TMEM132B: variants seen among roughly 807,000 people sequenced by gnomAD.
TMEM132B encodes the protein transmembrane protein 132B.
A neutral mutation model predicts 90.8 loss-of-function variants in TMEM132B; 18 were observed. That is an observed-to-expected ratio of 0.20 (90% CI 0.14 to 0.29). The LOEUF (loss-of-function observed/expected upper bound fraction) is 0.29. Ranked by LOEUF, TMEM132B falls within the 10% of genes least tolerant of loss-of-function variation. TMEM132B has a pLI of 1.00. For synonymous variants in TMEM132B, 504 were observed against 523.3 expected (o/e 0.96, Z 0.50); for missense variants, 1,096 against 1,326.8 (o/e 0.83, Z 2.70).
intron 5 of TMEM132B, among the ~76,000 whole-genome samples, chr12:125,606,133 C>T (rs374064832): frequency 4.0e-5 from 6 of 151,808 alleles, no homozygotes; most frequent in South Asian, 4.2e-4. Flanking sequence ...GTTGGTGACC[C>T]GAGAGATATT....
intron 5 of TMEM132B, among the ~76,000 whole-genome samples, chr12:125,596,666 G>A (rs1885446168): frequency 6.6e-6 from 1 of 152,134 alleles, no homozygotes; most frequent in African/African-American, 2.4e-5. Flanking sequence ...TCAGCCCCAA[G>A]TGATTGCCGT....
intron 2 of TMEM132B, among the ~76,000 whole-genome samples, chr12:125,366,982 A>G (rs901920963): frequency 2.6e-5 from 4 of 152,020 alleles, no homozygotes; most frequent in African/African-American, 4.8e-5. Context: ...ACTTTTAGCT[A>G]TTGTAGTTTT....
rs961310976 is a variant in TMEM132B, at chr12:125,201,106, C to A, written c.67+14240C>A. Among the ~76,000 whole-genome samples, 17 of 152,278 alleles carry A rather than the reference C, an allele frequency of 1.1e-4. No individual in the cohort carries two copies. In the East Asian group the frequency reaches 3.1e-3, roughly 28 times the overall value. On this transcript the variant is annotated intron_variant, in intron 1 of 8. Coordinates refer to ENST00000682704, the MANE Select transcript of TMEM132B (RefSeq NM_001366854.1). ...TTTTCTCTCTCCACCCACCACCCCCCATGCCCAGCCCAGTTAAGTGTTTCT... is the reference window on the plus strand; with the variant it reads ...TTTTCTCTCTCCACCCACCACCCCCAATGCCCAGCCCAGTTAAGTGTTTCT...
chr12:125,535,787 C>G (rs979419838), intron 4 of TMEM132B, among the ~76,000 whole-genome samples: 1 of 152,172 alleles, frequency 6.6e-6, no homozygotes, highest in Non-Finnish European at 1.5e-5. Flanking sequence ...AAAATGTCCA[C>G]TTTGCACAGG....
chr12:125,202,549 G>GA (rs1361796617), intron 1 of TMEM132B, among the ~76,000 whole-genome samples: 1 of 152,230 alleles, frequency 6.6e-6, no homozygotes, highest in Non-Finnish European at 1.5e-5. Context: ...GTCCCTTGCT[G>GA]ACAGTTGGCC....
intron 2 of TMEM132B, among the ~76,000 whole-genome samples, chr12:125,353,527 T>C (rs571404406): frequency 6.6e-6 from 1 of 152,372 alleles, no homozygotes; most frequent in African/African-American, 2.4e-5. Context: ...AGACTTAGAA[T>C]GGTTCAGCCC....
chr12:125,225,292 C>T (rs1435782517), intron 1 of TMEM132B, among the ~76,000 whole-genome samples: 5 of 152,140 alleles, frequency 3.3e-5, no homozygotes, highest in Admixed American at 2.0e-4. Flanking sequence ...CAGGACCAGC[C>T]GCACCATTTG....
Position 125,195,911 on chromosome 12 carries a change from G to A in TMEM132B, c.67+9045G>A, listed in dbSNP as rs74983857. Among the ~76,000 whole-genome samples, 143 of 152,256 alleles carry A rather than the reference G, an allele frequency of 9.4e-4. 4 individuals carry two copies. The East Asian group carries it at 0.018, about 19-fold the overall frequency. On this transcript the variant is annotated intron_variant, in intron 1 of 8. Transcript: ENST00000682704. The stretch of plus-strand genomic sequence containing the variant: ...TGTTCCCTCACTCTTTGGGCTGAAC[G>A]AGTGAGAGAACAGCAGGAGGAAAGG...
intron 2 of TMEM132B, among the ~76,000 whole-genome samples, chr12:125,359,322 G>A (rs566284403): frequency 1.3e-5 from 2 of 152,084 alleles, no homozygotes; most frequent in South Asian, 4.2e-4. Context: ...AATATATATT[G>A]CGATTTTATT....
At chr12:125,348,089 A>G (rs1179279402) in intron 1 of TMEM132B, among the ~76,000 whole-genome samples, 1 of 148,688 alleles carries the variant, frequency 6.7e-6, no homozygotes, top group Non-Finnish European at 1.5e-5. Context: ...AATATGACAC[A>G]TTTGATTTTT....
intron 1 of TMEM132B, among the ~76,000 whole-genome samples, chr12:125,300,754 A>G (rs897510635): frequency 1.8e-4 from 28 of 152,194 alleles, no homozygotes; most frequent in Non-Finnish European, 3.8e-4. Context: ...GCCCGAGGCC[A>G]CACAGCTGGC....
Position 125,259,315 on chromosome 12 carries a change from G to A in TMEM132B, c.67+72449G>A, listed in dbSNP as rs531182874. On this transcript the variant is annotated intron_variant, in intron 1 of 8. Coordinates refer to ENST00000682704, the MANE Select transcript of TMEM132B (RefSeq NM_001366854.1). The stretch of plus-strand genomic sequence containing the variant: ...GGATGCCCGGCATCTATAGGCATCC[G>A]ATAAAATTCGTTGAATGAATGACTC... 1.2e-3 allele frequency among the ~76,000 whole-genome samples: 189 copies of A among 152,292 alleles called. 1 individual carries two copies. Among genetic ancestry groups the A allele is most frequent in the African/African-American group, 4.2e-3 (173 of 41,558 alleles).
chr12:125,487,482 C>T (rs1165822839), intron 3 of TMEM132B, among the ~76,000 whole-genome samples: 4 of 152,172 alleles, frequency 2.6e-5, no homozygotes. Context: ...CAAACAAGTC[C>T]AAGTAGTAAT....
At chr12:125,387,824 A>G in intron 2 of TMEM132B, among the ~76,000 whole-genome samples, 1 of 152,140 alleles carries the variant, frequency 6.6e-6, no homozygotes, top group East Asian at 1.9e-4. Context: ...TCCTTAACTA[A>G]CAGCAAAAGG....
intron 3 of TMEM132B, among the ~76,000 whole-genome samples, chr12:125,487,906 C>A (rs139241852): frequency 1.6e-4 from 25 of 152,218 alleles, no homozygotes; most frequent in African/African-American, 5.8e-4. Context: ...TAATATATAT[C>A]ATGTGATCAT....
intron 1 of TMEM132B, among the ~76,000 whole-genome samples, chr12:125,279,304 A>G (rs1189709746): frequency 6.6e-6 from 1 of 152,222 alleles, no homozygotes; most frequent in Non-Finnish European, 1.5e-5. Context: ...ATCCCTAGAA[A>G]GGCCTGCTTA....
chr12:125,557,066 G>A (rs555133354), intron 4 of TMEM132B, among the ~76,000 whole-genome samples: 4 of 152,184 alleles, frequency 2.6e-5, no homozygotes, highest in East Asian at 1.9e-4. Context: ...TTCTTAGAAC[G>A]GTGCCTGGCA....
intron 5 of TMEM132B, among the ~76,000 whole-genome samples, chr12:125,605,262 G>A (rs1885664766): frequency 6.6e-6 from 1 of 152,168 alleles, no homozygotes; most frequent in Non-Finnish European, 1.5e-5. Context: ...ACACATGTGA[G>A]TGGGTGGTTA....
intron 5 of TMEM132B, among the ~76,000 whole-genome samples, chr12:125,616,847 T>A (rs145306791): frequency 9.6e-4 from 146 of 152,242 alleles, no homozygotes; most frequent in African/African-American, 3.3e-3. Flanking sequence ...TGTGATGGGA[T>A]TAGTGCCCTT....
Sources: allele counts gnomAD v4.1 joint callset (sites outside exome capture counted in the v4.1 genomes callset), GRCh38; gene constraint gnomAD v4.1.1; transcripts MANE v1.5; gene names NCBI Gene and HGNC (gene_info 2026-07-23, HGNC 2026-07-21).